The following GATB variants were observed in gnomAD, a reference collection of about 807,000 sequenced individuals.
GATB encodes the protein glutamyl-tRNA amidotransferase subunit B.
In GATB, 39 loss-of-function variants were observed where a neutral mutation model predicts 62.3. The observed-to-expected ratio is 0.63, with a 90% CI of 0.48 to 0.82. The LOEUF (loss-of-function observed/expected upper bound fraction) is 0.82, where lower values mean the gene tolerates loss of function less well. Ranked by LOEUF, GATB falls within the 40% of genes least tolerant of loss-of-function variation. The probability of loss-of-function intolerance (pLI) is 0.00; values close to 1 mark genes in which losing one functional copy is unlikely to be tolerated. For missense variants in GATB, 670 were observed against 684.0 expected, an observed-to-expected ratio of 0.98 and a Z score of 0.23; for synonymous variants, 276 against 258.9, an observed-to-expected ratio of 1.07 and a Z score of -0.63.
intron 4 of GATB, among the ~76,000 whole-genome samples, 163 bp downstream of exon 4, chr4:151,716,713 A>C (rs1194259033): frequency 6.6e-6 from 1 of 152,218 alleles, no homozygotes; most frequent in Non-Finnish European, 1.5e-5. Context: ...CATGTTCGCT[A>C]GTCAGCTATG....
chr4:151,695,298 G>A (rs1355765368), intron 9 of GATB, among the ~76,000 whole-genome samples: 1 of 152,146 alleles, frequency 6.6e-6, no homozygotes, highest in Non-Finnish European at 1.5e-5. Context: ...TGGGGTAAGT[G>A]AGTCATCGCC....
At chr4:151,732,594 G>A (rs1739291022) in intron 2 of GATB, among the ~76,000 whole-genome samples, 1 of 151,974 alleles carries the variant, frequency 6.6e-6, no homozygotes, top group African/African-American at 2.4e-5. Flanking sequence ...AGGCTGCAGG[G>A]TCCTCTGCCT....
chr4:151,702,845 G>A (rs1408207190), intron 8 of GATB, among the ~76,000 whole-genome samples: 1 of 152,194 alleles, frequency 6.6e-6, no homozygotes, highest in Non-Finnish European at 1.5e-5. Flanking sequence ...TGGAGGGAAT[G>A]GATTCGAAGC....
intron 4 of GATB, 97 bp from the exon 5 acceptor site, chr4:151,716,228 G>A: frequency 7.4e-7 from 1 of 1,355,886 alleles, no homozygotes; most frequent in Non-Finnish European, 1.0e-6. Context: ...CCTTACTGAA[G>A]GACTCTCAGA....
At chr4:151,753,549 G>T (rs1046686454) in intron 2 of GATB, among the ~76,000 whole-genome samples, 1 of 152,052 alleles carries the variant, frequency 6.6e-6, no homozygotes, top group Non-Finnish European at 1.5e-5. Context: ...GATTTCAGTG[G>T]GGTTTCTCTG....
At chr4:151,753,075 C>T (rs1395751651) in intron 2 of GATB, among the ~76,000 whole-genome samples, 1 of 152,164 alleles carries the variant, frequency 6.6e-6, no homozygotes, top group Non-Finnish European at 1.5e-5. Flanking sequence ...ACCAGGCCAC[C>T]TAAGTTCCCG....
intron 2 of GATB, among the ~76,000 whole-genome samples, chr4:151,739,588 T>C (rs1739445653): frequency 6.6e-6 from 1 of 152,228 alleles, no homozygotes; most frequent in Admixed American, 6.5e-5. Flanking sequence ...GTGCATCTAC[T>C]TGCAGTATAA....
chr4:151,737,623 G>T (rs1739402907), intron 2 of GATB, among the ~76,000 whole-genome samples: 1 of 152,178 alleles, frequency 6.6e-6, no homozygotes. Context: ...CACATCAGAG[G>T]TCTTCACAGT....
intron 9 of GATB, among the ~76,000 whole-genome samples, chr4:151,692,642 G>A (rs549561692): frequency 2.0e-5 from 3 of 152,226 alleles, no homozygotes; most frequent in Non-Finnish European, 2.9e-5. Flanking sequence ...GGGGATGGAG[G>A]GCGGCCAGAG....
intron 2 of GATB, among the ~76,000 whole-genome samples, chr4:151,754,463 T>C (rs1739784197): frequency 6.6e-6 from 1 of 152,200 alleles, no homozygotes; most frequent in African/African-American, 2.4e-5. Flanking sequence ...TCATGCTCCA[T>C]GTGGGCAACA....
At chr4:151,726,791 A>G (rs1157253994) in intron 2 of GATB, among the ~76,000 whole-genome samples, 1 of 152,184 alleles carries the variant, frequency 6.6e-6, no homozygotes, top group Non-Finnish European at 1.5e-5. Flanking sequence ...GAGTGTCAAA[A>G]GTCCCATTTT....
intron 2 of GATB, among the ~76,000 whole-genome samples, chr4:151,737,034 C>G (rs1739390151): frequency 1.3e-5 from 2 of 152,082 alleles, no homozygotes; most frequent in Non-Finnish European, 2.9e-5. Flanking sequence ...AAACTGGTAC[C>G]AGGAGTGGGG....
intron 6 of GATB, among the ~76,000 whole-genome samples, chr4:151,707,145 A>G (rs549600744): frequency 2.0e-5 from 3 of 152,380 alleles, no homozygotes; most frequent in East Asian, 3.8e-4. Flanking sequence ...GCCATGGTCA[A>G]TCTAAAATGA....
At chr4:151,720,789 G>C (rs6535817) in intron 2 of GATB, 88,986 of 152,162 alleles carry the variant, frequency 0.58, 28,440 homozygotes, top group African/African-American at 0.86. Context: ...CACACATGCC[G>C]TGGCTGAGAG....
intron 2 of GATB, among the ~76,000 whole-genome samples, chr4:151,737,040 T>C (rs911805174): frequency 5.9e-5 from 9 of 151,740 alleles, no homozygotes; most frequent in African/African-American, 2.2e-4. Context: ...GTACCAGGAG[T>C]GGGGTGTTAC....
intron 5 of GATB, among the ~76,000 whole-genome samples, chr4:151,710,135 G>C (rs1322122978): frequency 6.6e-6 from 1 of 152,094 alleles, no homozygotes; most frequent in East Asian, 1.9e-4. Flanking sequence ...CTATACTACA[G>C]AATTCAGTAC....
intron 5 of GATB, among the ~76,000 whole-genome samples, chr4:151,714,501 C>G (rs903221507): frequency 6.6e-6 from 1 of 152,218 alleles, no homozygotes; most frequent in Non-Finnish European, 1.5e-5. Context: ...GTGTTAAAAG[C>G]TGTTGGATTT....
At chr4:151,674,492 G>A (rs1737953715) in intron 11 of GATB, 1 of 152,078 alleles carries the variant, frequency 6.6e-6, no homozygotes, top group South Asian at 2.1e-4. Context: ...GAAAATATAA[G>A]GAAATACAGG....
chr4:151,690,345 G>A (rs1738338795), intron 9 of GATB, among the ~76,000 whole-genome samples: 1 of 152,224 alleles, frequency 6.6e-6, no homozygotes, highest in Non-Finnish European at 1.5e-5. Context: ...CTATTATTCT[G>A]CTCATGCTAA....
Sources: gnomAD v4.1 joint callset for allele counts (sites outside exome capture counted in the v4.1 genomes callset) on GRCh38, gnomAD v4.1.1 for gene constraint, MANE v1.5 for transcripts, NCBI Gene and HGNC (gene_info 2026-07-23, HGNC 2026-07-21) for gene names.